The following TRPC5 variants were observed in gnomAD, a reference collection of about 807,000 sequenced individuals.
The protein encoded by TRPC5 is short transient receptor potential channel 5.
In TRPC5, 9 loss-of-function variants were observed where a neutral mutation model predicts 56.5. The ratio of observed to expected loss-of-function variants is 0.16; its 90% CI spans 0.10 to 0.28. TRPC5 has a LOEUF of 0.28. Ranked by LOEUF, TRPC5 falls within the 10% of genes least tolerant of loss-of-function variation. The pLI, the probability that TRPC5 is intolerant of heterozygous loss-of-function variation, is 1.00. For synonymous variants in TRPC5, 282 were observed against 278.5 expected (o/e 1.01, Z -0.13); for missense variants, 469 against 748.9 (o/e 0.63, Z 4.36).
At chrX:111,897,138 C>T (rs1925105038) in intron 3 of TRPC5, among the ~76,000 whole-genome samples, 2 of 111,328 alleles carry the variant, frequency 1.8e-5, no homozygotes, top group African/African-American at 6.5e-5. Flanking sequence ...ACTTGGGTCC[C>T]ATTCCTAAGA....
intron 1 of TRPC5, among the ~76,000 whole-genome samples, chrX:112,034,594 A>AT (rs374687346): frequency 0.093 from 9,633 of 103,464 alleles, 493 homozygotes; most frequent in African/African-American, 0.18. Flanking sequence ...ACATTGATGG[A>AT]TTTTTTTTTT....
intron 2 of TRPC5, among the ~76,000 whole-genome samples, chrX:111,929,302 A>C (rs962917488): frequency 1.8e-5 from 2 of 112,129 alleles, no homozygotes; most frequent in Admixed American, 9.5e-5. Context: ...TACATTTGAG[A>C]ATTCTGGGCA....
Position 111,770,226 on chromosome X carries a change from ATTTC to A in TRPC5, c.*6083_*6086del, listed in dbSNP as rs1224667746. Among the ~76,000 whole-genome samples, 1 of 111,476 alleles carries A rather than the reference ATTTC, an allele frequency of 9.0e-6. No homozygotes were observed. The highest frequency in any genetic ancestry group is 3.3e-5 in the African/African-American group (1 of 30,665). On this transcript the variant is annotated 3_prime_UTR_variant, in exon 11 of 11. Transcript: ENST00000262839. ...CATGTTGTTTTGACAAACCCACTTTATTTCTTAGATAAAATTTGAAGGAAGTGAT... is the reference window on the plus strand; with the variant it reads ...CATGTTGTTTTGACAAACCCACTTTATTAGATAAAATTTGAAGGAAGTGAT...
intron 2 of TRPC5, among the ~76,000 whole-genome samples, chrX:111,927,969 G>A (rs968913326): frequency 4.5e-5 from 5 of 110,212 alleles, no homozygotes; most frequent in Non-Finnish European, 7.6e-5. Context: ...AAACAACCAT[G>A]CACCCAGGAG....
chrX:111,969,643 TAGAC>T (rs1232088300), intron 1 of TRPC5, among the ~76,000 whole-genome samples: 3 of 111,436 alleles, frequency 2.7e-5, no homozygotes, highest in Non-Finnish European at 3.8e-5. Context: ...AGGATATAGA[TAGAC>T]AGATGTAGGA....
chrX:112,055,362 C>T (rs1048455439), intron 1 of TRPC5, among the ~76,000 whole-genome samples: 5 of 111,404 alleles, frequency 4.5e-5, no homozygotes, highest in African/African-American at 1.3e-4. Context: ...AAGAAGTAGG[C>T]GAAACAGATT....
chrX:111,840,730 A>G (rs1319240846), intron 6 of TRPC5, among the ~76,000 whole-genome samples: 1 of 112,195 alleles, frequency 8.9e-6, no homozygotes. Context: ...ACATAGCCTT[A>G]TAACTGTATC....
chrX:111,781,100 G>C (rs759707644), intron 9 of TRPC5, 65 bp downstream of exon 9: 1 of 1,076,746 alleles, frequency 9.3e-7, no homozygotes, highest in Admixed American at 2.2e-5. Context: ...CCAGAGTGAA[G>C]TTTGCTTCTC....
At chrX:112,035,094 A>ATTTT (rs1569529914) in intron 1 of TRPC5, among the ~76,000 whole-genome samples, 25 of 103,874 alleles carry the variant, frequency 2.4e-4, no homozygotes, top group African/African-American at 6.6e-4. Flanking sequence ...TTTTTTAAAA[A>ATTTT]AAAAAAAATG....
intron 1 of TRPC5, among the ~76,000 whole-genome samples, chrX:112,028,904 T>C (rs1020654552): frequency 2.7e-5 from 3 of 112,307 alleles, no homozygotes; most frequent in African/African-American, 9.7e-5. Context: ...AGTGTAAAAG[T>C]GTTCCTATTT....
rs771546935 is a variant in TRPC5, at chrX:111,912,647, C to G, written c.544G>C (p.Val182Leu). 23 of 1,209,179 alleles carry G rather than the reference C, an allele frequency of 1.9e-5. No homozygotes were observed. Among genetic ancestry groups the G allele is most frequent in the Non-Finnish European group, 2.6e-5 (23 of 895,178 alleles). ...AGGCTGTCTACCTCTGAACTAGACA[C>G]ACACTCCACACAGTTGCAGCGGATC... ...HQIRCNCVEC[V>L]SSSEVDSLRH... is the part of the protein sequence containing the mutation. The change falls in exon 3 of 11, where the codon GTG (valine) becomes CTG (leucine). Residue 182 changes from valine (V) to leucine (L), a missense_variant. Val to Leu is a conservative substitution (Grantham distance 32, BLOSUM62 1). Coordinates refer to ENST00000262839, the MANE Select transcript of TRPC5 (RefSeq NM_012471.3).
intron 7 of TRPC5, among the ~76,000 whole-genome samples, chrX:111,791,543 G>A (rs752496168): frequency 3.6e-5 from 4 of 112,518 alleles, no homozygotes; most frequent in Non-Finnish European, 7.5e-5. Context: ...CAGGTATTCT[G>A]TGTATGGGTT....
chrX:112,009,767 G>T (rs780950059), intron 1 of TRPC5, among the ~76,000 whole-genome samples: 7 of 111,168 alleles, frequency 6.3e-5, no homozygotes, highest in African/African-American at 2.3e-4. Flanking sequence ...AACACTGCAT[G>T]TTCTCACTCA....
In TRPC5 at chrX:111,773,275, G is replaced by C. The variant is rs953238534; in HGVS notation, c.*3038C>G. Among the ~76,000 whole-genome samples the C allele has an allele frequency of 1.8e-5, 2 of 111,844 alleles. No homozygotes were observed. The highest frequency in any genetic ancestry group is 3.8e-5 in the Non-Finnish European group (2 of 53,104). ...TTCACTGGACATAAAGCTGGAAGTG[G>C]AGATATTTCAACAATGGTCACTTTC... On this transcript the variant is annotated 3_prime_UTR_variant, in exon 11 of 11. Coordinates refer to ENST00000262839, the MANE Select transcript of TRPC5 (RefSeq NM_012471.3).
chrX:111,895,195 G>C (rs1925006463), intron 3 of TRPC5, among the ~76,000 whole-genome samples: 1 of 111,270 alleles, frequency 9.0e-6, no homozygotes, highest in African/African-American at 3.3e-5. Flanking sequence ...TCAGTGCTTG[G>C]TATTGTCAGT....
At chrX:111,997,179 T>A (rs182904746) in intron 1 of TRPC5, among the ~76,000 whole-genome samples, 181 of 111,892 alleles carry the variant, frequency 1.6e-3, no homozygotes, top group African/African-American at 5.3e-3. Context: ...CAGGAGCTCT[T>A]GTAAGGCAGG....
At chrX:111,797,089 A>T (rs1280229150) in intron 7 of TRPC5, among the ~76,000 whole-genome samples, 4 of 111,802 alleles carry the variant, frequency 3.6e-5, no homozygotes, top group African/African-American at 9.7e-5. Context: ...AAATCCTAGA[A>T]TTTTCTCTTT....
chrX:111,986,676 A>T, intron 1 of TRPC5, among the ~76,000 whole-genome samples: 1 of 111,391 alleles, frequency 9.0e-6, no homozygotes, highest in East Asian at 2.8e-4. Context: ...GTCATAATTT[A>T]GGAGCTCTAT....
intron 7 of TRPC5, among the ~76,000 whole-genome samples, chrX:111,787,555 T>C (rs1945977616): frequency 1.1e-5 from 1 of 94,287 alleles, no homozygotes; most frequent in Non-Finnish European, 2.1e-5. Context: ...ATAACTAAGA[T>C]CAGAGCACAA....
Sources: gnomAD v4.1 joint callset for allele counts (sites outside exome capture counted in the v4.1 genomes callset) on GRCh38, gnomAD v4.1.1 for gene constraint, MANE v1.5 for transcripts, NCBI Gene and HGNC (gene_info 2026-07-23, HGNC 2026-07-21) for gene names.